Variants in IGSF5 observed in about 807,000 individuals in gnomAD.
IGSF5 encodes the protein immunoglobulin superfamily 5 like.
IGSF5 carries 41 observed loss-of-function variants against 39.4 expected under a neutral mutation model. The observed-to-expected ratio is 1.04, with a 90% confidence interval of 0.81 to 1.35. The LOEUF (loss-of-function observed/expected upper bound fraction) is 1.35. Ranked by LOEUF, IGSF5 falls within the 40% of genes most tolerant of loss-of-function variation. IGSF5 has a pLI of 0.00. For synonymous variants in IGSF5, 183 were observed against 175.3 expected (o/e 1.04, Z -0.34); for missense variants, 487 against 494.6 (o/e 0.98, Z 0.15).
the IGSF5 span, among the ~76,000 whole-genome samples, chr21:39,731,719 G>A: frequency 2.6e-5 from 4 of 152,116 alleles, no homozygotes; most frequent in South Asian, 4.1e-4. Flanking sequence ...AAGTGGAATC[G>A]TTCTCAGAGC....
chr21:39,717,259 T>C, the IGSF5 span, among the ~76,000 whole-genome samples: 2 of 152,232 alleles, frequency 1.3e-5, no homozygotes, highest in African/African-American at 4.8e-5. Flanking sequence ...GTCAGATGCA[T>C]AGTTTGCAAA....
the IGSF5 span, among the ~76,000 whole-genome samples, chr21:39,718,504 T>C: frequency 6.6e-6 from 1 of 152,204 alleles, no homozygotes; most frequent in Non-Finnish European, 1.5e-5. Flanking sequence ...ATGGTTCTTA[T>C]TATTTTGAGG....
chr21:39,795,772 G>T (rs2086992520), intron 8 of IGSF5, among the ~76,000 whole-genome samples: 1 of 152,020 alleles, frequency 6.6e-6, no homozygotes, highest in Non-Finnish European at 1.5e-5. Flanking sequence ...CCTGGGGACT[G>T]GTAACGTAGT....
At position 39,797,490 on chromosome 21, in the gene IGSF5, A is replaced by C. The variant is rs191401715; in HGVS notation, c.1129-3772A>C. On this transcript the variant is annotated intron_variant, in intron 8 of 8. Coordinates refer to ENST00000380588, the MANE Select transcript of IGSF5 (RefSeq NM_001080444.2). ...CACCTCAGCCTCCCAAAGTGCTGGT[A>C]TTACAGGCGTGAGACAGCTTGCCCG... is the stretch of plus-strand genomic sequence containing the variant. Among the ~76,000 whole-genome samples the C allele has an allele frequency of 3.9e-5, 6 of 152,202 alleles. No homozygotes were observed. In the East Asian group the frequency reaches 1.2e-3, roughly 30 times the overall value.
chr21:39,741,580 A>G (rs933729537), upstream of IGSF5, among the ~76,000 whole-genome samples: 3 of 152,210 alleles, frequency 2.0e-5, no homozygotes, highest in Non-Finnish European at 4.4e-5. Context: ...TCATCCATGC[A>G]CTGAAGGACA....
At chr21:39,789,714 C>A (rs1173646136) in intron 6 of IGSF5, among the ~76,000 whole-genome samples, 1 of 152,156 alleles carries the variant, frequency 6.6e-6, no homozygotes, top group Non-Finnish European at 1.5e-5. Context: ...ATCACCCACA[C>A]TTCTATAGTT....
chr21:39,731,105 A>G, the IGSF5 span, among the ~76,000 whole-genome samples: 2 of 152,326 alleles, frequency 1.3e-5, no homozygotes, highest in Non-Finnish European at 2.9e-5. Flanking sequence ...ATGTCTTTGA[A>G]TGCATGGGCT....
At chr21:39,744,604 G>T (rs1044940805), upstream of IGSF5, among the ~76,000 whole-genome samples, 3 of 152,164 alleles carry the variant, frequency 2.0e-5, no homozygotes, top group Non-Finnish European at 4.4e-5. Flanking sequence ...TCGGACCTTT[G>T]TATGGTAATT....
At chr21:39,715,078 C>A in the IGSF5 span, among the ~76,000 whole-genome samples, 16 of 151,086 alleles carry the variant, frequency 1.1e-4, no homozygotes, top group South Asian at 2.5e-3. Flanking sequence ...TCTTTCTTTT[C>A]TTTCTTTCTC....
At chr21:39,768,289 C>T (rs4380325) in intron 3 of IGSF5, among the ~76,000 whole-genome samples, 47,480 of 152,024 alleles carry the variant, frequency 0.31, 8,013 homozygotes, top group Non-Finnish European at 0.39. Flanking sequence ...GAGAAAGAAT[C>T]TTGAAAAAAG....
chr21:39,712,590 T>A, the IGSF5 span, among the ~76,000 whole-genome samples: 1 of 152,082 alleles, frequency 6.6e-6, no homozygotes, highest in South Asian at 2.1e-4. Flanking sequence ...TCAGCCTTGG[T>A]GAGTTGGAGA....
chr21:39,780,182 G>T, intron 5 of IGSF5, among the ~76,000 whole-genome samples: 1 of 146,812 alleles, frequency 6.8e-6, no homozygotes, highest in Non-Finnish European at 1.5e-5. Context: ...ATTTTTATTT[G>T]TCTGTGTGTT....
the IGSF5 span, among the ~76,000 whole-genome samples, chr21:39,713,140 C>T: frequency 6.6e-6 from 1 of 152,148 alleles, no homozygotes; most frequent in East Asian, 1.9e-4. Context: ...GGGACAAGCC[C>T]CTTTCCCTGC....
chr21:39,770,848 A>AAAAAG, intron 3 of IGSF5, 68 bp from the exon 4 acceptor site: 2 of 1,189,460 alleles, frequency 1.7e-6, no homozygotes, highest in Non-Finnish European at 2.2e-6. Flanking sequence ...AAAAGAAAAA[A>AAAAAG]AAAAAGAAAA....
chr21:39,782,204 C>T (rs2080174344), intron 5 of IGSF5, among the ~76,000 whole-genome samples: 1 of 152,146 alleles, frequency 6.6e-6, no homozygotes, highest in African/African-American at 2.4e-5. Flanking sequence ...CCTATTCATG[C>T]ACTTACACTG....
At chr21:39,748,337 G>A (rs530456495) in intron 2 of IGSF5, among the ~76,000 whole-genome samples, 8 of 67,278 alleles carry the variant, frequency 1.2e-4, no homozygotes, top group South Asian at 9.4e-4. Context: ...TTGAGACAGC[G>A]TCTCTCTCTG....
chr21:39,737,114 T>A, the IGSF5 span, among the ~76,000 whole-genome samples: 2 of 152,084 alleles, frequency 1.3e-5, 1 homozygote, highest in African/African-American at 4.8e-5. Context: ...CTGATCTGTC[T>A]GCTTTGTTCA....
chr21:39,787,324 T>G (rs1034879400), intron 5 of IGSF5, among the ~76,000 whole-genome samples: 7 of 152,208 alleles, frequency 4.6e-5, no homozygotes, highest in Non-Finnish European at 8.8e-5. Flanking sequence ...TGAAAATACC[T>G]GAGAACGTTA....
the IGSF5 span, among the ~76,000 whole-genome samples, chr21:39,721,737 T>C: frequency 6.7e-6 from 1 of 148,596 alleles, no homozygotes; most frequent in African/African-American, 2.5e-5. Flanking sequence ...CACCCACCCA[T>C]CCATTCATTT....
Sources: allele counts gnomAD v4.1 joint callset (sites outside exome capture counted in the v4.1 genomes callset), GRCh38; gene constraint gnomAD v4.1.1; transcripts MANE v1.5; gene names NCBI Gene and HGNC (gene_info 2026-07-23, HGNC 2026-07-21).